FBXO4: variants seen among roughly 807,000 people sequenced by gnomAD.
FBXO4 encodes the protein F-box protein 4, also known as F-box only protein 4.
In FBXO4, 36 loss-of-function variants were observed where a neutral mutation model predicts 43.7. That is an observed-to-expected ratio of 0.82 (90% confidence interval 0.63 to 1.09). FBXO4 has a LOEUF of 1.09. Among genes scored for constraint, FBXO4 ranks in the 50% least tolerant of loss-of-function variants. FBXO4 has a pLI of 0.00. For synonymous variants in FBXO4, 180 were observed against 165.6 expected (o/e 1.09, Z -0.67); for missense variants, 435 against 474.1 (o/e 0.92, Z 0.77).
the FBXO4 span, among the ~76,000 whole-genome samples, chr5:42,019,876 G>A: frequency 4.6e-5 from 7 of 151,852 alleles, no homozygotes; most frequent in African/African-American, 1.7e-4. Flanking sequence ...GAGTGACAAG[G>A]TTAGAGATAT....
the FBXO4 span, chr5:41,967,378 T>C: frequency 2.0e-6 from 1 of 505,046 alleles, no homozygotes; most frequent in Non-Finnish European, 3.9e-6. Flanking sequence ...CCCACATCAA[T>C]GCTATTGCTT....
At chr5:41,954,803 T>C in the FBXO4 span, among the ~76,000 whole-genome samples, 1 of 152,212 alleles carries the variant, frequency 6.6e-6, no homozygotes, top group Non-Finnish European at 1.5e-5. Context: ...TTAATTACAG[T>C]TGTTAATTAA....
intron 3 of FBXO4, 77 bp from the exon 4 acceptor site, chr5:41,933,869 C>T (rs1751767802): frequency 2.5e-6 from 3 of 1,209,466 alleles, no homozygotes; most frequent in Middle Eastern, 5.7e-4. Context: ...TTTTTGCTTT[C>T]ACCGGGTAAT....
the FBXO4 span, among the ~76,000 whole-genome samples, chr5:42,033,403 C>T: frequency 6.6e-6 from 1 of 152,070 alleles, no homozygotes; most frequent in Non-Finnish European, 1.5e-5. Context: ...TTACTTTAAG[C>T]TCTGGGATAC....
At chr5:42,018,642 C>T in the FBXO4 span, among the ~76,000 whole-genome samples, 1 of 152,092 alleles carries the variant, frequency 6.6e-6, no homozygotes, top group Non-Finnish European at 1.5e-5. Flanking sequence ...TACATGCTTT[C>T]TCAAATATTT....
At chr5:41,947,683 T>C in the FBXO4 span, among the ~76,000 whole-genome samples, 1 of 152,192 alleles carries the variant, frequency 6.6e-6, no homozygotes, top group Non-Finnish European at 1.5e-5. Flanking sequence ...GGATAGTAAC[T>C]AAGCTGCCAC....
chr5:41,929,684 C>A lies in FBXO4; in HGVS notation c.426-13C>A, dbSNP rs773037191. The A allele has an allele frequency of 3.2e-6, 5 of 1,561,238 alleles. No homozygotes were observed. In the South Asian group the frequency reaches 6.1e-5, roughly 19 times the overall value. On this transcript the variant is annotated splice_polypyrimidine_tract_variant and intron_variant, in intron 2 of 6. Coordinates refer to ENST00000281623, the MANE Select transcript of FBXO4 (RefSeq NM_012176.3). ...TTCTGTGTTAATGTTCTAATTGTGA[C>A]AATTTTTTACAGCTATAGAATGTGC...
the FBXO4 span, among the ~76,000 whole-genome samples, chr5:42,029,212 A>G: frequency 6.6e-6 from 1 of 152,044 alleles, no homozygotes; most frequent in Admixed American, 6.6e-5. Context: ...TTCACTGGAT[A>G]TACTATTCTA....
the FBXO4 span, among the ~76,000 whole-genome samples, chr5:42,030,740 T>A: frequency 0.015 from 2,245 of 151,590 alleles, 103 homozygotes; most frequent in East Asian, 0.097. Context: ...GAATCTACAA[T>A]GAACTCCAAC....
In FBXO4 at chr5:41,934,178, C is replaced by G. The variant is rs776824175; in HGVS notation, c.768C>G (p.Asn256Lys). The change falls in exon 5 of 7, where the codon AAC becomes AAG. Residue 256 changes from asparagine (N) to lysine (K), a missense_variant. Physicochemically the swap from Asn to Lys is moderately conservative, Grantham distance 94. Transcript: ENST00000281623. ...GGGAAGAGCATACAAGTGCAGTTAA[C>G]AAGATGTTCAGTCGACACAATGAAG... ...RAREEHTSAV[N>K]KMFSRHNEGD... 2 of 1,613,958 alleles carry G rather than the reference C, an allele frequency of 1.2e-6. No homozygotes were observed. Among genetic ancestry groups the G allele is most frequent in the Non-Finnish European group, 8.5e-7 (1 of 1,179,944 alleles).
At chr5:41,969,773 A>G in the FBXO4 span, among the ~76,000 whole-genome samples, 1 of 152,152 alleles carries the variant, frequency 6.6e-6, no homozygotes. Context: ...TGTCTTTGCA[A>G]TATATTACTT....
intron 2 of FBXO4, 135 bp from the exon 3 acceptor site, chr5:41,929,562 T>C: frequency 1.5e-6 from 1 of 658,772 alleles, no homozygotes; most frequent in Non-Finnish European, 2.5e-6. Context: ...GTCTGTCTAT[T>C]GTTCTCCTGG....
At chr5:42,029,751 T>C in the FBXO4 span, among the ~76,000 whole-genome samples, 1 of 152,122 alleles carries the variant, frequency 6.6e-6, no homozygotes, top group African/African-American at 2.4e-5. Flanking sequence ...CTCTGATACA[T>C]TCTTCAGTAT....
Position 41,929,848 on chromosome 5 carries a change from T to G in FBXO4, c.577T>G (p.Leu193Val). The G allele has an allele frequency of 6.2e-7, 1 of 1,614,162 alleles. No individual in the cohort carries two copies. The change falls in exon 3 of 7, where the codon TTG becomes GTG. Residue 193 changes from leucine to valine, a missense_variant. Physicochemically the swap from Leu to Val is conservative, Grantham distance 32. Transcript: ENST00000281623. ...GPGLEELNTS[L>V]VLSLMSSEEL... ...AGGTTTGGAAGAATTGAATACCTCT[T>G]TGGTGTTGAGCTTGATGTCTTCAGA...
chr5:42,004,504 A>G, the FBXO4 span, among the ~76,000 whole-genome samples: 2 of 152,210 alleles, frequency 1.3e-5, no homozygotes, highest in African/African-American at 4.8e-5. Flanking sequence ...CAAAAATAGC[A>G]GAAATGTTTA....
chr5:42,003,149 A>G, the FBXO4 span, among the ~76,000 whole-genome samples: 1 of 152,244 alleles, frequency 6.6e-6, no homozygotes, highest in Non-Finnish European at 1.5e-5. Flanking sequence ...CAAAGGAGAA[A>G]AAATGAACTA....
the FBXO4 span, among the ~76,000 whole-genome samples, chr5:42,029,004 T>G: frequency 6.6e-6 from 1 of 152,004 alleles, no homozygotes; most frequent in Non-Finnish European, 1.5e-5. Flanking sequence ...TATAACAGTT[T>G]GTGTTTTTCT....
At chr5:42,016,047 G>A in the FBXO4 span, among the ~76,000 whole-genome samples, 1 of 152,092 alleles carries the variant, frequency 6.6e-6, no homozygotes, top group African/African-American at 2.4e-5. Context: ...AGGGAGAACG[G>A]ACATTAACAT....
At chr5:42,031,284 C>A in the FBXO4 span, among the ~76,000 whole-genome samples, 1 of 151,864 alleles carries the variant, frequency 6.6e-6, no homozygotes, top group African/African-American at 2.4e-5. Context: ...AGCCATAAAA[C>A]GTGATGAGTT....
Sources: allele counts gnomAD v4.1 joint callset (sites outside exome capture counted in the v4.1 genomes callset), GRCh38; gene constraint gnomAD v4.1.1; transcripts MANE v1.5; gene names NCBI Gene and HGNC (gene_info 2026-07-23, HGNC 2026-07-21).